Variants in SEL1L2 observed in about 807,000 individuals in gnomAD.
SEL1L2 encodes the protein SEL1L2 adaptor subunit of SYVN1 ubiquitin ligase, also known as protein sel-1 homolog 2.
SEL1L2 carries 89 observed loss-of-function variants against 98.8 expected under a neutral mutation model. The observed-to-expected ratio is 0.90, with a 90% CI of 0.76 to 1.07. The LOEUF is 1.07. SEL1L2 is among the 50% of genes least tolerant of loss of function. The pLI is 0.00. For missense variants in SEL1L2, 788 were observed against 812.0 expected, an observed-to-expected ratio of 0.97 and a Z score of 0.36; for synonymous variants, 262 against 278.5, an observed-to-expected ratio of 0.94 and a Z score of 0.59.
chr20:13,919,924 CA>C lies in SEL1L2; in HGVS notation c.284-802del, dbSNP rs10655831. ...TAGGTGACAGAGCGAGACTCCGTCT[CA>C]AAAAAAAAAAAAAATGTTATTGGCC... On this transcript the variant is annotated intron_variant, in intron 3 of 19. Coordinates refer to ENST00000284951, the MANE Select transcript of SEL1L2 (RefSeq NM_025229.2). Among the ~76,000 whole-genome samples, 206 of 130,118 alleles carry C rather than the reference CA, an allele frequency of 1.6e-3. 1 individual carries two copies. The highest frequency in any genetic ancestry group is 8.6e-3 in the Middle Eastern group (2 of 232). The allele number at this position is 130,118 out of a possible 152,430, so 85.4% of individuals were successfully genotyped here. A position where few individuals can be genotyped will look rare whatever the true frequency, so the allele number is the denominator to read the frequency against.
At chr20:13,854,938 C>G (rs1988895980) in intron 18 of SEL1L2, among the ~76,000 whole-genome samples, 1 of 151,510 alleles carries the variant, frequency 6.6e-6, no homozygotes. Flanking sequence ...GTAGTCCCAG[C>G]TCCTTGGGAG....
At chr20:13,970,308 GAC>G (rs1351741789) in intron 1 of SEL1L2, among the ~76,000 whole-genome samples, 1 of 152,124 alleles carries the variant, frequency 6.6e-6, no homozygotes, top group Non-Finnish European at 1.5e-5. Flanking sequence ...AATATGGATA[GAC>G]ATTTATGATG....
intron 1 of SEL1L2, among the ~76,000 whole-genome samples, chr20:13,986,384 T>C (rs13039479): frequency 0.38 from 57,978 of 151,454 alleles, 11,410 homozygotes; most frequent in South Asian, 0.48. Flanking sequence ...TCTGTACCCA[T>C]TAAGCAGTCA....
chr20:13,906,825 C>T (rs963427725), intron 5 of SEL1L2, among the ~76,000 whole-genome samples: 6 of 152,044 alleles, frequency 3.9e-5, no homozygotes, highest in Non-Finnish European at 5.9e-5. Context: ...ATTACAGGCG[C>T]GTGCCACCAC....
intron 18 of SEL1L2, among the ~76,000 whole-genome samples, chr20:13,858,897 G>C (rs1463366833): frequency 1.3e-5 from 2 of 152,190 alleles, no homozygotes; most frequent in African/African-American, 4.8e-5. Context: ...GTTCCTGAGA[G>C]CTTGAGAACC....
chr20:13,908,103 CTTTTTTTTTTTTTTTTTTT>C (rs71188195), intron 5 of SEL1L2, among the ~76,000 whole-genome samples: 1 of 26,724 alleles, frequency 3.7e-5, no homozygotes, highest in Non-Finnish European at 6.2e-5. Context: ...TTTCTTGGTT[CTTTTTTTTTTTTTTTTTTT>C]TTTTTTTTTT....
intron 5 of SEL1L2, among the ~76,000 whole-genome samples, chr20:13,894,482 C>A (rs1217438897): frequency 6.6e-6 from 1 of 152,194 alleles, no homozygotes; most frequent in Non-Finnish European, 1.5e-5. Flanking sequence ...ATCATTTGAA[C>A]CCAGGAGGTG....
upstream of SEL1L2, among the ~76,000 whole-genome samples, chr20:13,993,398 G>T (rs548338464): frequency 2.0e-5 from 3 of 152,188 alleles, no homozygotes; most frequent in Non-Finnish European, 2.9e-5. Context: ...CATGAGTTCA[G>T]TTTGGTACAC....
intron 5 of SEL1L2, among the ~76,000 whole-genome samples, chr20:13,908,297 A>T (rs114232530): frequency 0.014 from 2,124 of 151,236 alleles, 52 homozygotes; most frequent in African/African-American, 0.049. Context: ...TCAATTTTTT[A>T]AATTTTGTAG....
chr20:13,907,552 G>C (rs1055576209), intron 5 of SEL1L2, among the ~76,000 whole-genome samples: 1 of 152,068 alleles, frequency 6.6e-6, no homozygotes, highest in African/African-American at 2.4e-5. Context: ...CTGGGCAATG[G>C]AGCAAGATCC....
At chr20:13,974,060 G>T (rs1439177565) in intron 1 of SEL1L2, among the ~76,000 whole-genome samples, 1 of 152,118 alleles carries the variant, frequency 6.6e-6, no homozygotes, top group Admixed American at 6.5e-5. Context: ...CGGGTCTAGA[G>T]TATTGGATTC....
At chr20:13,974,087 C>T (rs1487499201) in intron 1 of SEL1L2, among the ~76,000 whole-genome samples, 1 of 152,018 alleles carries the variant, frequency 6.6e-6, no homozygotes, top group African/African-American at 2.4e-5. Context: ...CTTTGTGTGG[C>T]CATTAAAACT....
At chr20:13,932,533 G>A (rs1358438372) in intron 2 of SEL1L2, among the ~76,000 whole-genome samples, 1 of 151,978 alleles carries the variant, frequency 6.6e-6, no homozygotes, top group Admixed American at 6.6e-5. Context: ...CCGGGATCAA[G>A]TGATTGTCCT....
chr20:13,861,607 A>G (rs145363124), intron 17 of SEL1L2, among the ~76,000 whole-genome samples: 41 of 152,352 alleles, frequency 2.7e-4, no homozygotes, highest in African/African-American at 9.6e-4. Context: ...CCACAATTTT[A>G]GAATATTTTA....
chr20:13,912,898 A>G (rs2148185345), intron 5 of SEL1L2, among the ~76,000 whole-genome samples: 1 of 152,388 alleles, frequency 6.6e-6, no homozygotes, highest in South Asian at 2.1e-4. Flanking sequence ...AACTAAAAAT[A>G]TAGTTAGCAT....
chr20:13,885,227 C>T (rs1238331337), intron 10 of SEL1L2, 120 bp downstream of exon 10: 13 of 710,220 alleles, frequency 1.8e-5, no homozygotes, highest in Non-Finnish European at 3.4e-5. Flanking sequence ...ACCAAGGAAG[C>T]ATCAGTGGGC....
At chr20:13,868,348 A>C (rs1444291777) in intron 14 of SEL1L2, among the ~76,000 whole-genome samples, 1 of 152,020 alleles carries the variant, frequency 6.6e-6, no homozygotes, top group African/African-American at 2.4e-5. Context: ...GTTTTTCAGA[A>C]TCTCTTTCCA....
At chr20:13,940,464 G>A (rs528039295) in intron 2 of SEL1L2, among the ~76,000 whole-genome samples, 1 of 152,280 alleles carries the variant, frequency 6.6e-6, no homozygotes, top group African/African-American at 2.4e-5. Context: ...TTATCAAAGA[G>A]AAAGACACAG....
chr20:13,978,888 G>A (rs1347867870), intron 1 of SEL1L2, among the ~76,000 whole-genome samples: 7 of 151,902 alleles, frequency 4.6e-5, no homozygotes, highest in African/African-American at 1.2e-4. Flanking sequence ...GCAAAACCCC[G>A]CCTCTACTAA....
Sources: gnomAD v4.1 joint callset for allele counts (sites outside exome capture counted in the v4.1 genomes callset) on GRCh38, gnomAD v4.1.1 for gene constraint, MANE v1.5 for transcripts, NCBI Gene and HGNC (gene_info 2026-07-23, HGNC 2026-07-21) for gene names.